Variants in CNTN5 observed in about 807,000 individuals in gnomAD.
CNTN5 encodes the protein contactin-5.
In CNTN5, 77 loss-of-function variants were observed where a neutral mutation model predicts 129.1. The ratio of observed to expected loss-of-function variants is 0.60; its 90% CI spans 0.50 to 0.72. The LOEUF (loss-of-function observed/expected upper bound fraction) is 0.72, where lower values mean the gene tolerates loss of function less well. CNTN5 is among the 30% of genes least tolerant of loss of function. The probability of loss-of-function intolerance (pLI) is 0.00; values close to 1 mark genes in which losing one functional copy is unlikely to be tolerated. For missense variants in CNTN5, 1,478 were observed against 1,328.8 expected (o/e 1.11, Z -1.75); for synonymous variants, 509 against 465.6 (o/e 1.09, Z -1.20).
At chr11:99,053,253 C>T (rs1864496484) in intron 1 of CNTN5, among the ~76,000 whole-genome samples, 1 of 151,878 alleles carries the variant, frequency 6.6e-6, no homozygotes, top group Non-Finnish European at 1.5e-5. Context: ...AGAGCCTACT[C>T]CTAAATTCTC....
intron 23 of CNTN5, among the ~76,000 whole-genome samples, chr11:100,349,183 T>C (rs910782071): frequency 1.3e-4 from 19 of 151,972 alleles, no homozygotes; most frequent in Non-Finnish European, 2.2e-4. Flanking sequence ...CATTTATTAC[T>C]AGAATTCAGA....
At chr11:99,597,171 T>C (rs561125510) in intron 3 of CNTN5, among the ~76,000 whole-genome samples, 2 of 152,264 alleles carry the variant, frequency 1.3e-5, no homozygotes, top group South Asian at 2.1e-4. Context: ...TATGATTCAT[T>C]TGAGTAACAA....
chr11:99,891,688 C>A (rs1240921818), intron 6 of CNTN5, among the ~76,000 whole-genome samples: 2 of 152,218 alleles, frequency 1.3e-5, no homozygotes, highest in African/African-American at 2.4e-5. Flanking sequence ...GCGTGGTATT[C>A]CTTGGTGTTT....
At chr11:99,303,596 A>T (rs1864740693) in intron 1 of CNTN5, among the ~76,000 whole-genome samples, 1 of 151,434 alleles carries the variant, frequency 6.6e-6, no homozygotes, top group Non-Finnish European at 1.5e-5. Flanking sequence ...GTTCAATTAC[A>T]TGCTACTAAA....
chr11:99,527,169 C>G (rs747152287), intron 2 of CNTN5, among the ~76,000 whole-genome samples: 9 of 152,212 alleles, frequency 5.9e-5, no homozygotes, highest in East Asian at 1.9e-4. Flanking sequence ...CTCCTGCTAG[C>G]TAGTTTAGCT....
Position 100,165,827 on chromosome 11 carries a change from A to G in CNTN5, c.1581-25299A>G, listed in dbSNP as rs1045550540. Among the ~76,000 whole-genome samples the G allele has an allele frequency of 5.9e-5, 9 of 151,752 alleles. No homozygotes were observed. In the South Asian group the frequency reaches 6.2e-4, roughly 10 times the overall value. ...TGCATTCTATTTTGTTAACCCCTAA[A>G]GCAATCCTTGAGATAAATATTATTA... On this transcript the variant is annotated intron_variant, in intron 13 of 24. Transcript: ENST00000524871.
Position 100,311,505 on chromosome 11 carries a change from T to C in CNTN5, c.2730+3037T>C, listed in dbSNP as rs142079997. 5.4e-3 allele frequency among the ~76,000 whole-genome samples: 817 copies of C among 152,106 alleles called. 13 individuals carry two copies. The highest frequency in any genetic ancestry group is 0.019 in the African/African-American group (781 of 41,530). ...CTATGGGAAATCATAAGGTTATAAA[T>C]AGTTTGTATGCATATACCAGCTAAG... On this transcript the variant is annotated intron_variant, in intron 21 of 24. Coordinates refer to ENST00000524871, the MANE Select transcript of CNTN5 (RefSeq NM_014361.4).
At chr11:100,193,846 T>A (rs1948564510) in intron 15 of CNTN5, among the ~76,000 whole-genome samples, 183 bp downstream of exon 15, 1 of 151,930 alleles carries the variant, frequency 6.6e-6, no homozygotes, top group Admixed American at 6.6e-5. Context: ...GTAATTATTT[T>A]AAAACCCCCA....
At chr11:99,681,281 G>A (rs972333363) in intron 3 of CNTN5, among the ~76,000 whole-genome samples, 3 of 152,090 alleles carry the variant, frequency 2.0e-5, no homozygotes, top group Non-Finnish European at 4.4e-5. Context: ...AATTCTGAAA[G>A]ATGCCTTACA....
intron 4 of CNTN5, among the ~76,000 whole-genome samples, chr11:99,829,486 A>C (rs1165334832): frequency 1.3e-5 from 2 of 152,202 alleles, no homozygotes; most frequent in African/African-American, 4.8e-5. Flanking sequence ...AATGAATAAA[A>C]ACTTCTGAGC....
intron 15 of CNTN5, among the ~76,000 whole-genome samples, chr11:100,204,787 C>A (rs903241660): frequency 1.3e-5 from 2 of 151,846 alleles, no homozygotes; most frequent in African/African-American, 2.4e-5. Flanking sequence ...GAGAAAAATA[C>A]AATGGATTCT....
chr11:99,110,243 G>C (rs960777242), intron 1 of CNTN5, among the ~76,000 whole-genome samples: 1 of 152,100 alleles, frequency 6.6e-6, no homozygotes, highest in Non-Finnish European at 1.5e-5. Context: ...AAAAGCATAT[G>C]TGAAGGAAAG....
At chr11:99,699,617 T>A (rs1207678667) in intron 3 of CNTN5, among the ~76,000 whole-genome samples, 1 of 151,502 alleles carries the variant, frequency 6.6e-6, no homozygotes. Flanking sequence ...GTATTAAGTG[T>A]ATATAAATCA....
At chr11:99,454,484 T>C (rs1263931735) in intron 2 of CNTN5, among the ~76,000 whole-genome samples, 4 of 152,102 alleles carry the variant, frequency 2.6e-5, no homozygotes, top group African/African-American at 4.8e-5. Context: ...CGGCACTTCT[T>C]CCTGCTGCCT....
At chr11:99,608,913 A>G (rs1950514056) in intron 3 of CNTN5, among the ~76,000 whole-genome samples, 1 of 152,186 alleles carries the variant, frequency 6.6e-6, no homozygotes, top group Non-Finnish European at 1.5e-5. Context: ...ATTAAAATCT[A>G]GCAATGGACA....
intron 3 of CNTN5, among the ~76,000 whole-genome samples, chr11:99,804,119 G>T (rs1392161769): frequency 1.3e-5 from 2 of 152,054 alleles, no homozygotes; most frequent in East Asian, 1.9e-4. Context: ...ATACCAAAAG[G>T]CTGGTGGTTT....
chr11:100,179,649 T>C (rs1337990598), intron 13 of CNTN5, among the ~76,000 whole-genome samples: 1 of 152,092 alleles, frequency 6.6e-6, no homozygotes, highest in Non-Finnish European at 1.5e-5. Context: ...TGTCTGATAA[T>C]AATGAAACCT....
chr11:99,677,865 C>G (rs145221089), intron 3 of CNTN5, among the ~76,000 whole-genome samples: 291 of 152,166 alleles, frequency 1.9e-3, no homozygotes, highest in African/African-American at 6.7e-3. Context: ...CTCGCAATTA[C>G]CAAAAGCTTA....
intron 1 of CNTN5, among the ~76,000 whole-genome samples, chr11:99,153,783 T>C (rs1860188784): frequency 1.4e-5 from 2 of 147,778 alleles, no homozygotes; most frequent in Admixed American, 1.4e-4. Flanking sequence ...CTGATGTTCC[T>C]CCAATATTTG....
Sources: allele counts gnomAD v4.1 joint callset (sites outside exome capture counted in the v4.1 genomes callset), GRCh38; gene constraint gnomAD v4.1.1; transcripts MANE v1.5; gene names NCBI Gene and HGNC (gene_info 2026-07-23, HGNC 2026-07-21).